The following NKX6-1 variants were observed in gnomAD, a reference collection of about 807,000 sequenced individuals.
The protein encoded by NKX6-1 is homeobox protein Nkx-6.1.
In NKX6-1, 11 loss-of-function variants were observed where a neutral mutation model predicts 24.9. That is an observed-to-expected ratio of 0.44 (90% CI 0.28 to 0.73). NKX6-1 has a LOEUF of 0.73. NKX6-1 is among the 30% of genes least tolerant of loss of function. The probability of loss-of-function intolerance (pLI) is 0.15; values close to 1 mark genes in which losing one functional copy is unlikely to be tolerated. For missense variants in NKX6-1, 487 were observed against 502.9 expected, an observed-to-expected ratio of 0.97 and a Z score of 0.30; for synonymous variants, 277 against 242.9, an observed-to-expected ratio of 1.14 and a Z score of -1.31.
At chr4:84,496,202 T>C (rs1720816170) in intron 1 of NKX6-1, among the ~76,000 whole-genome samples, 1 of 152,062 alleles carries the variant, frequency 6.6e-6, no homozygotes, top group South Asian at 2.1e-4. Context: ...ATCCAGTCGG[T>C]GCTCGTTCGG....
At chr4:84,495,215 A>G (rs1560616183) in intron 2 of NKX6-1, among the ~76,000 whole-genome samples, 1 of 152,230 alleles carries the variant, frequency 6.6e-6, no homozygotes, top group Non-Finnish European at 1.5e-5. Context: ...CTTGCGAATT[A>G]ATACAGTAGC....
rs745382655 is a variant in NKX6-1, at chr4:84,498,089, G to A, written c.140C>T (p.Pro47Leu). The A allele has an allele frequency of 4.7e-6, 6 of 1,263,658 alleles. No individual in the cohort carries two copies. Among genetic ancestry groups the A allele is most frequent in the Non-Finnish European group, 6.0e-6 (6 of 1,004,136 alleles). The allele number at this position is 1,263,658 out of a possible 1,614,324, so 78.3% of individuals were successfully genotyped here. A position where few individuals can be genotyped will look rare whatever the true frequency, so the allele number is the denominator to read the frequency against. ...CGACGACGAGGACGAGGAGGAGGGG[G>A]GGCCGGCAGGCAGCGGGGGATACGC... ...PAAYPPLPAGPPSSSSSSSSS... is the reference protein window; with the variant it reads ...PAAYPPLPAGLPSSSSSSSSS... Residue 47 changes from proline to leucine, a missense_variant, in exon 1 of 3, where the codon CCC (proline) becomes CTC (leucine). Physicochemically the swap from Pro to Leu is moderately conservative, Grantham distance 98 (BLOSUM62 -3). Transcript: ENST00000295886.
rs933777456 is a variant in NKX6-1 at position 84,493,220 on chromosome 4, C to A, written c.*69G>T. On this transcript the variant is annotated 3_prime_UTR_variant, in exon 3 of 3. Transcript: ENST00000295886. The surrounding 1 kb of genome is among the most constrained non-coding windows in gnomAD (Gnocchi z 5.1). ...GGAGCGGGCAGGCGCGGCGTGCACG[C>A]GGTCCCCGCGCCCCTCGCGGCCCCA... 8.1e-6 allele frequency: 11 copies of A among 1,355,954 alleles called. No homozygotes were observed. The highest frequency in any genetic ancestry group is 8.5e-6 in the Non-Finnish European group (9 of 1,055,260). 84.0% of individuals were successfully genotyped at this position (1,355,954 alleles called of 1,614,324 possible).
chr4:84,497,670 C>T lies in NKX6-1; in HGVS notation c.559G>A (p.Val187Met). ...GCCAGCGGCTTGGGGTACCGGCCCA[C>T]GGCGGCCACGGCCGCGGCGCTGGGG... is the stretch of plus-strand genomic sequence containing the variant. ...FSPSAAAVAA[V>M]GRYPKPLAEL... The change falls in exon 1 of 3, where the codon GTG becomes ATG. Residue 187 changes from valine to methionine, a missense_variant. Physicochemically the swap from Val to Met is conservative, Grantham distance 21 (BLOSUM62 1). Transcript: ENST00000295886. The surrounding 1 kb of genome is among the most constrained non-coding windows in gnomAD (Gnocchi z 4.8). The T allele has an allele frequency of 2.4e-6, 3 of 1,273,358 alleles. No homozygotes were observed. The highest frequency in any genetic ancestry group is 3.3e-5 in the South Asian group (1 of 30,494). The allele number at this position is 1,273,358 out of a possible 1,614,324, so 78.9% of individuals were successfully genotyped here.
chr4:84,498,215 C>T lies in NKX6-1; in HGVS notation c.14G>A (p.Gly5Glu). The change falls in exon 1 of 3, where the codon GGG becomes GAG. Residue 5 changes from glycine (G) to glutamate (E), a missense_variant. This residue lies in a region of NKX6-1 where 316 missense variants were observed against 311.4 expected (regional missense o/e 1.01). Coordinates refer to ENST00000295886, the MANE Select transcript of NKX6-1 (RefSeq NM_006168.3). Reference protein sequence around the residue: MLAVGAMEGTRQSAF... With the variant: MLAVEAMEGTRQSAF... ...GCTCTGCCGGGTGCCCTCCATTGCC[C>T]CCACCGCTAACATCCCACGGCCACG... 1 of 1,296,064 alleles carries T rather than the reference C, an allele frequency of 7.7e-7. No homozygotes were observed. The highest frequency in any genetic ancestry group is 9.8e-7 in the Non-Finnish European group (1 of 1,021,558). The allele number at this position is 1,296,064 out of a possible 1,614,324, so 80.3% of individuals were successfully genotyped here.
At chr4:84,494,859 A>G (rs1023681302) in intron 2 of NKX6-1, among the ~76,000 whole-genome samples, 3 of 152,256 alleles carry the variant, frequency 2.0e-5, no homozygotes, top group East Asian at 3.8e-4. Context: ...AAAGAAGGAC[A>G]AAAGAGACTA....
In NKX6-1 at chr4:84,495,757, T is replaced by C. The variant is rs892572728; in HGVS notation, c.758A>G (p.Lys253Arg). 3.7e-6 allele frequency: 6 copies of C among 1,613,930 alleles called. No individual in the cohort carries two copies. Among genetic ancestry groups the C allele is most frequent in the African/African-American group, 2.7e-5 (2 of 74,928 alleles). The change falls in exon 2 of 3, where the codon AAG (lysine) becomes AGG (arginine). Residue 253 changes from lysine to arginine, a missense_variant. Physicochemically the swap from Lys to Arg is conservative, Grantham distance 26 (BLOSUM62 2). Transcript: ENST00000295886. ...CAAGTATTTTGTTTGTTCGAAAGTC[T>C]TCTCCAGGGCGAAGATCTGCTGTCC... ...FSGQQIFALE[K>R]TFEQTKYLAG...
At chr4:84,496,041 T>A (rs1416306644) in intron 1 of NKX6-1, among the ~76,000 whole-genome samples, 197 bp from the exon 2 acceptor site, 1 of 152,176 alleles carries the variant, frequency 6.6e-6, no homozygotes, top group African/African-American at 2.4e-5. Flanking sequence ...ACCTGTTTTT[T>A]AAAAGCCGCG....
In NKX6-1 at chr4:84,493,251, G is replaced by A. The variant is rs1720758566; in HGVS notation, c.*38C>T. On this transcript the variant is annotated 3_prime_UTR_variant, in exon 3 of 3. Transcript: ENST00000295886. This position sits in a 1 kb window ranked among gnomAD's most constrained non-coding sequence, Gnocchi z 5.1. ...CCGCGCCCCTCGCGGCCCCAGAGGTGGAGGCCGGAGCCGGGAAGGTGCGGC... is the reference window on the plus strand; with the variant it reads ...CCGCGCCCCTCGCGGCCCCAGAGGTAGAGGCCGGAGCCGGGAAGGTGCGGC... 6.6e-7 allele frequency: 1 copy of A among 1,517,936 alleles called. No individual in the cohort carries two copies. The allele number at this position is 1,517,936 out of a possible 1,614,324, so 94.0% of individuals were successfully genotyped here.
At position 84,493,450 on chromosome 4, in the gene NKX6-1, C is replaced by T. The variant is rs767348268; in HGVS notation, c.943G>A (p.Gly315Arg). 1 of 1,614,260 alleles carries T rather than the reference C, an allele frequency of 6.2e-7. No individual in the cohort carries two copies. The highest frequency in any genetic ancestry group is 8.5e-7 in the Non-Finnish European group (1 of 1,180,046). The stretch of plus-strand genomic sequence containing the variant: ...TCCTCTTCCTCGTTCTCCGAGGCCC[C>T]CTTGAGGCGCTCTGTCTCCGAGTCC... ...KQDSETERLK[G>R]ASENEEEDDD... The change falls in exon 3 of 3, where the codon GGG (glycine) becomes AGG (arginine). Residue 315 changes from glycine to arginine, a missense_variant. Physicochemically the swap from Gly to Arg is moderately radical, Grantham distance 125. Coordinates refer to ENST00000295886, the MANE Select transcript of NKX6-1 (RefSeq NM_006168.3). This position sits in a 1 kb window ranked among gnomAD's most constrained non-coding sequence, Gnocchi z 5.1.
rs1720856619 is a variant in NKX6-1, at chr4:84,497,974, G to A, written c.255C>T (p.Ser85=). ...PATGGLSSLG[S]PPQQLSAATP... ...TGGCGGCCGAGAGCTGCTGCGGGGGGCTGCCGAGGGATGAGAGCCCCCCCG... is the reference window on the plus strand; with the variant it reads ...TGGCGGCCGAGAGCTGCTGCGGGGGACTGCCGAGGGATGAGAGCCCCCCCG... Residue 85 remains serine (S), a synonymous_variant, in exon 1 of 3, where the codon AGC becomes AGT. Coordinates refer to ENST00000295886, the MANE Select transcript of NKX6-1 (RefSeq NM_006168.3). The surrounding 1 kb of genome is among the most constrained non-coding windows in gnomAD (Gnocchi z 4.8). 3.1e-6 allele frequency: 4 copies of A among 1,296,878 alleles called. No individual in the cohort carries two copies. Among genetic ancestry groups the A allele is most frequent in the African/African-American group, 1.5e-5 (1 of 66,322 alleles). 80.3% of individuals were successfully genotyped at this position (1,296,878 alleles called of 1,614,324 possible). A position where few individuals can be genotyped will look rare whatever the true frequency, so the allele number is the denominator to read the frequency against.
rs968267944 is a variant in NKX6-1 at position 84,499,163 on chromosome 4, C to T, written c.-935G>A. 2.6e-5 allele frequency among the ~76,000 whole-genome samples: 4 copies of T among 152,174 alleles called. No homozygotes were observed. Among genetic ancestry groups the T allele is most frequent in the Non-Finnish European group, 5.9e-5 (4 of 68,020 alleles). ...CTCCTCTCTGGCATTTTCTTCGCGG[C>T]TTCCCAGGCTTCGGTCTTCTAAGTC... On this transcript the variant is annotated 5_prime_UTR_variant, in exon 1 of 3. Transcript: ENST00000295886.
intron 2 of NKX6-1, among the ~76,000 whole-genome samples, chr4:84,494,870 T>C (rs970709966): frequency 6.6e-6 from 1 of 152,188 alleles, no homozygotes. Flanking sequence ...AAAGAGACTA[T>C]TGGAAATATA....
chr4:84,493,131 G>A lies in NKX6-1; in HGVS notation c.*158C>T. On this transcript the variant is annotated 3_prime_UTR_variant, in exon 3 of 3. Coordinates refer to ENST00000295886, the MANE Select transcript of NKX6-1 (RefSeq NM_006168.3). The surrounding 1 kb of genome is among the most constrained non-coding windows in gnomAD (Gnocchi z 5.1). Reference sequence around the variant, plus strand: ...CCACAACTTCAAGGTTAAAAAAATAGATATGTACATCTCAAAAATAGCAAA... The same window carrying A: ...CCACAACTTCAAGGTTAAAAAAATAAATATGTACATCTCAAAAATAGCAAA... 3.4e-6 allele frequency: 2 copies of A among 582,056 alleles called. No homozygotes were observed. The highest frequency in any genetic ancestry group is 4.3e-5 in the South Asian group (1 of 23,510). The allele number at this position is 582,056 out of a possible 1,614,324, so 36.1% of individuals were successfully genotyped here.
chr4:84,499,022 T>G lies in NKX6-1; in HGVS notation c.-794A>C, dbSNP rs1720891357. Among the ~76,000 whole-genome samples the G allele has an allele frequency of 6.6e-6, 1 of 152,192 alleles. No homozygotes were observed. The highest frequency in any genetic ancestry group is 1.5e-5 in the Non-Finnish European group (1 of 68,046). ...ACACAGAAAAACAAAAGACTAAGTG[T>G]GAAAAGTCTGACGGCTGGGTTTCGG... On this transcript the variant is annotated 5_prime_UTR_variant, in exon 1 of 3. Coordinates refer to ENST00000295886, the MANE Select transcript of NKX6-1 (RefSeq NM_006168.3).
chr4:84,494,960 G>A (rs2052957656), intron 2 of NKX6-1, among the ~76,000 whole-genome samples: 1 of 152,098 alleles, frequency 6.6e-6, no homozygotes, highest in Admixed American at 6.5e-5. Flanking sequence ...TTGTTTCCTT[G>A]GAAATATACT....
Position 84,498,686 on chromosome 4 carries a change from T to G in NKX6-1, c.-458A>C, listed in dbSNP as rs567227144. On this transcript the variant is annotated 5_prime_UTR_variant, in exon 1 of 3. Transcript: ENST00000295886. ...TGGAGGGTGGGGGTGGCTTGCTTTC[T>G]TTGGGGAGGTTCAAAGGACGCCTTG... Among the ~76,000 whole-genome samples the G allele has an allele frequency of 6.6e-6, 1 of 152,336 alleles. No homozygotes were observed. Among genetic ancestry groups the G allele is most frequent in the African/African-American group, 2.4e-5 (1 of 41,576 alleles).
At position 84,492,783 on chromosome 4, in the gene NKX6-1, G is replaced by A. The variant is rs767572494; in HGVS notation, c.*506C>T. 6.6e-6 allele frequency: 1 copy of A among 152,572 alleles called. No individual in the cohort carries two copies. Among genetic ancestry groups the A allele is most frequent in the Admixed American group, 6.5e-5 (1 of 15,302 alleles). 9.5% of individuals were successfully genotyped at this position (152,572 alleles called of 1,614,324 possible). ...ATTTATTTACAAAGAGCCTTCAACA[G>A]GTTACTTTAGTTGCACAGCAGTGTG... On this transcript the variant is annotated 3_prime_UTR_variant, in exon 3 of 3. Transcript: ENST00000295886.
intron 2 of NKX6-1, among the ~76,000 whole-genome samples, chr4:84,494,633 C>T (rs1560616066): frequency 6.6e-6 from 1 of 152,164 alleles, no homozygotes; most frequent in Non-Finnish European, 1.5e-5. Flanking sequence ...GCAGTAGGCT[C>T]TGTACCAACC....
Sources: allele counts gnomAD v4.1 joint callset (sites outside exome capture counted in the v4.1 genomes callset), GRCh38; gene constraint gnomAD v4.1.1; regional missense constraint gnomAD v4.1.1; non-coding constraint Gnocchi (gnomAD v3.1); transcripts MANE v1.5; gene names NCBI Gene and HGNC (gene_info 2026-07-23, HGNC 2026-07-21).